The following PAQR5 variants were observed in gnomAD, a reference collection of about 807,000 sequenced individuals.
PAQR5 encodes progestin and adipoQ receptor family member 5.
A neutral mutation model predicts 34.5 loss-of-function variants in PAQR5; 20 were observed. The ratio of observed to expected loss-of-function variants is 0.58; its 90% confidence interval spans 0.41 to 0.84. The LOEUF is 0.84. Ranked by LOEUF, PAQR5 falls within the 40% of genes least tolerant of loss-of-function variation. PAQR5 has a pLI of 0.00. For missense variants in PAQR5, 378 were observed against 412.7 expected (o/e 0.92, Z 0.73); for synonymous variants, 131 against 155.6 (o/e 0.84, Z 1.18).
chr15:69,397,604 A>C (rs969113346), intron 7 of PAQR5, 40 bp downstream of exon 7: 2 of 1,307,684 alleles, frequency 1.5e-6, no homozygotes, highest in Non-Finnish European at 2.2e-6. Context: ...TGTTGGCAAC[A>C]CCAGGAAGTC....
chr15:69,381,108 C>T (rs2055873870), intron 4 of PAQR5, among the ~76,000 whole-genome samples: 1 of 152,188 alleles, frequency 6.6e-6, no homozygotes, highest in Non-Finnish European at 1.5e-5. Flanking sequence ...GCGGACTGGG[C>T]AGGGGTGGCA....
Position 69,329,463 on chromosome 15 carries a change from C to CTTTTTTTTTTT in PAQR5, c.-276-7863_-276-7853dup, listed in dbSNP as rs1038357937. Among the ~76,000 whole-genome samples the CTTTTTTTTTTT allele has an allele frequency of 5.6e-4, 41 of 73,758 alleles. 1 individual carries two copies. The highest frequency in any genetic ancestry group is 1.6e-3 in the East Asian group (3 of 1,838). The allele number at this position is 73,758 out of a possible 152,430, so 48.4% of individuals were successfully genotyped here. On this transcript the variant is annotated intron_variant, in intron 1 of 8. Transcript: ENST00000395407. Reference sequence around the variant, plus strand: ...TTTTACCTAAATTTATTTTTTCTTTCTTTTTTTTTTTTTTTTTTTTTTTTT... The same window carrying CTTTTTTTTTTT: ...TTTTACCTAAATTTATTTTTTCTTTCTTTTTTTTTTTTTTTTTTTTTTTTTTTTTTTTTTTT...
In PAQR5 at chr15:69,300,906, TTCCTTCC is replaced by T. The variant is rs1316394969; in HGVS notation, c.-277+1852_-277+1858del. ...CTTTCTTTCTTTCTTCCTTCCTTCCTTCCTTCCTTTCTCTCTCTCTCTCTCTCTCTCT... is the reference window on the plus strand; with the variant it reads ...CTTTCTTTCTTTCTTCCTTCCTTCCTTTTCTCTCTCTCTCTCTCTCTCTCT... On this transcript the variant is annotated intron_variant, in intron 1 of 8. Coordinates refer to ENST00000395407, the MANE Select transcript of PAQR5 (RefSeq NM_017705.4). 1.1e-3 allele frequency among the ~76,000 whole-genome samples: 32 copies of T among 28,240 alleles called. 7 individuals are homozygous for T. Among genetic ancestry groups the T allele is most frequent in the African/African-American group, 2.3e-3 (30 of 13,314 alleles). 18.5% of individuals were successfully genotyped at this position (28,240 alleles called of 152,430 possible). A position where few individuals can be genotyped will look rare whatever the true frequency, so the allele number is the denominator to read the frequency against.
intron 1 of PAQR5, among the ~76,000 whole-genome samples, chr15:69,301,859 A>ATGTTTTTTTTTTTTTT (rs2053611897): frequency 1.0e-5 from 1 of 98,870 alleles, no homozygotes; most frequent in African/African-American, 5.8e-5. Context: ...ATGGGGGGAG[A>ATGTTTTTTTTTTTTTT]TTTTTTTTTT....
intron 1 of PAQR5, among the ~76,000 whole-genome samples, chr15:69,331,022 G>A (rs968745358): frequency 2.6e-5 from 4 of 152,178 alleles, no homozygotes; most frequent in African/African-American, 9.7e-5. Flanking sequence ...TGTACTGGTG[G>A]GGCACTGCCA....
At position 69,382,700 on chromosome 15, in the gene PAQR5, A is replaced by G. The variant is rs560950623; in HGVS notation, c.180-1977A>G. Among the ~76,000 whole-genome samples, 737 of 117,684 alleles carry G rather than the reference A, an allele frequency of 6.3e-3. 18 individuals are homozygous for G. The highest frequency in any genetic ancestry group is 0.033 in the East Asian group (129 of 3,936). The allele number at this position is 117,684 out of a possible 152,430, so 77.2% of individuals were successfully genotyped here. A position where few individuals can be genotyped will look rare whatever the true frequency, so the allele number is the denominator to read the frequency against. ...TATATATATATATATATATATATATATATATGTATGTATGTATATATGTAT... is the reference window on the plus strand; with the variant it reads ...TATATATATATATATATATATATATGTATATGTATGTATGTATATATGTAT... On this transcript the variant is annotated intron_variant, in intron 4 of 8. Coordinates refer to ENST00000395407, the MANE Select transcript of PAQR5 (RefSeq NM_017705.4).
At chr15:69,375,185 G>A (rs56353553) in intron 3 of PAQR5, among the ~76,000 whole-genome samples, 3,471 of 152,256 alleles carry the variant, frequency 0.023, 138 homozygotes, top group African/African-American at 0.079. Context: ...ATCAAGGTTT[G>A]GACAGGGGCA....
intron 3 of PAQR5, among the ~76,000 whole-genome samples, chr15:69,378,436 C>CAA (rs1235264927): frequency 0.055 from 2,860 of 51,722 alleles, 322 homozygotes; most frequent in East Asian, 0.12. Context: ...GACCCTGTCT[C>CAA]AAAAAAAAAA....
At chr15:69,402,241 G>C (rs544120585) in intron 8 of PAQR5, among the ~76,000 whole-genome samples, 1 of 152,110 alleles carries the variant, frequency 6.6e-6, no homozygotes, top group African/African-American at 2.4e-5. Context: ...TTGGCTTGTC[G>C]ATGGCCGTTC....
At chr15:69,381,170 A>C (rs1388051485) in intron 4 of PAQR5, among the ~76,000 whole-genome samples, 1 of 152,212 alleles carries the variant, frequency 6.6e-6, no homozygotes, top group Non-Finnish European at 1.5e-5. Flanking sequence ...ATACATGCTT[A>C]CAAATTATAA....
At chr15:69,376,691 A>G (rs981914786) in intron 3 of PAQR5, among the ~76,000 whole-genome samples, 1 of 152,192 alleles carries the variant, frequency 6.6e-6, no homozygotes, top group Non-Finnish European at 1.5e-5. Context: ...TGGGGTCAGC[A>G]TAGCAGGTCA....
chr15:69,389,118 G>A (rs1318054911), intron 5 of PAQR5, among the ~76,000 whole-genome samples: 2 of 152,230 alleles, frequency 1.3e-5, no homozygotes, highest in Non-Finnish European at 1.5e-5. Context: ...CCTCGTCTCA[G>A]CAAGGGCCCT....
At chr15:69,401,088 C>A (rs1007031291) in intron 8 of PAQR5, 2 of 152,280 alleles carry the variant, frequency 1.3e-5, no homozygotes, top group African/African-American at 4.8e-5. Flanking sequence ...GTTCTTTCCC[C>A]GCTCTGTCTA....
intron 2 of PAQR5, among the ~76,000 whole-genome samples, chr15:69,344,941 A>G (rs1161924082): frequency 6.6e-6 from 1 of 152,136 alleles, no homozygotes; most frequent in East Asian, 1.9e-4. Flanking sequence ...ACCAAAAAAT[A>G]CAAAAATTAG....
intron 4 of PAQR5, chr15:69,382,789 TATATATATGACC>T (rs1351261928): frequency 5.6e-4 from 1 of 1,800 alleles, no homozygotes; most frequent in African/African-American, 1.6e-3. Flanking sequence ...TATATATATA[TATATATATGACC>T]ATATATATAT....
chr15:69,322,738 A>AAGAAGAAGAAGAAGAAGAAGAAGG (rs2054134787), intron 1 of PAQR5, among the ~76,000 whole-genome samples: 1 of 29,330 alleles, frequency 3.4e-5, no homozygotes, highest in Admixed American at 4.8e-4. Flanking sequence ...GAAGAAGAAG[A>AAGAAGAAGAAGAAGAAGAAGAAGG]AGAAGAAGAA....
chr15:69,390,360 A>T (rs9708104), intron 6 of PAQR5, among the ~76,000 whole-genome samples: 97,221 of 135,000 alleles, frequency 0.72, 38,017 homozygotes, highest in Non-Finnish European at 0.89. Flanking sequence ...TTATTTATTT[A>T]TTTTTTTGAG....
chr15:69,397,178 C>T (rs2056463556), intron 6 of PAQR5: 1 of 571,680 alleles, frequency 1.7e-6, no homozygotes, highest in South Asian at 1.5e-5. Flanking sequence ...TAACTTGGCC[C>T]TTGAAGGGTT....
intron 3 of PAQR5, among the ~76,000 whole-genome samples, chr15:69,371,241 T>A (rs1256345814): frequency 1.3e-5 from 2 of 152,156 alleles, no homozygotes; most frequent in African/African-American, 2.4e-5. Flanking sequence ...TACAAAAAAA[T>A]AATTCTTAAG....
Sources: gnomAD v4.1 joint callset for allele counts (sites outside exome capture counted in the v4.1 genomes callset) on GRCh38, gnomAD v4.1.1 for gene constraint, MANE v1.5 for transcripts, NCBI Gene and HGNC (gene_info 2026-07-23, HGNC 2026-07-21) for gene names.